Variants in LRRC4C observed in about 807,000 individuals in gnomAD.
LRRC4C encodes leucine-rich repeat-containing protein 4C.
Under a neutral mutation model 33.6 loss-of-function variants are expected in LRRC4C, and 5 were observed. The observed-to-expected ratio is 0.15, with a 90% CI of 0.08 to 0.31. The LOEUF (loss-of-function observed/expected upper bound fraction) is 0.31, where lower values mean the gene tolerates loss of function less well. LRRC4C is among the 10% of genes least tolerant of loss of function. The pLI is 1.00. For missense variants in LRRC4C, 560 were observed against 796.7 expected (o/e 0.70, Z 3.58); for synonymous variants, 329 against 302.0 (o/e 1.09, Z -0.93).
chr11:41,233,162 T>C (rs1446037434), intron 1 of LRRC4C, among the ~76,000 whole-genome samples: 2 of 152,044 alleles, frequency 1.3e-5, no homozygotes, highest in Non-Finnish European at 2.9e-5. Context: ...TCTTCCAAGG[T>C]ATTTTTACCA....
At chr11:40,360,836 T>C (rs1947914526) in intron 3 of LRRC4C, among the ~76,000 whole-genome samples, 1 of 152,168 alleles carries the variant, frequency 6.6e-6, no homozygotes, top group African/African-American at 2.4e-5. Context: ...TGAATATCAA[T>C]GTAAAAATTC....
chr11:40,697,137 T>C (rs1346243181), intron 2 of LRRC4C, among the ~76,000 whole-genome samples: 3 of 152,090 alleles, frequency 2.0e-5, no homozygotes, highest in Admixed American at 2.0e-4. Context: ...ATGAAGAAAA[T>C]AGTACTTGTT....
At chr11:41,045,726 T>C (rs1372676401) in intron 1 of LRRC4C, among the ~76,000 whole-genome samples, 4 of 152,146 alleles carry the variant, frequency 2.6e-5, no homozygotes, top group Non-Finnish European at 4.4e-5. Context: ...GCTATTATTA[T>C]TGTAGGGTAC....
intron 1 of LRRC4C, among the ~76,000 whole-genome samples, chr11:41,427,554 T>G (rs1955083271): frequency 1.3e-5 from 2 of 152,134 alleles, no homozygotes; most frequent in Admixed American, 1.3e-4. Context: ...AGCCAAGAGC[T>G]GAGTGACAGG....
intron 6 of LRRC4C, among the ~76,000 whole-genome samples, chr11:40,133,213 C>T (rs567105997): frequency 6.6e-6 from 1 of 152,190 alleles, no homozygotes; most frequent in South Asian, 2.1e-4. Context: ...GTCACCAATG[C>T]CTTTATAGGT....
intron 2 of LRRC4C, among the ~76,000 whole-genome samples, chr11:40,832,208 A>G (rs909180273): frequency 6.6e-6 from 1 of 152,072 alleles, no homozygotes; most frequent in Admixed American, 6.6e-5. Context: ...AGTATTGTTC[A>G]TCTAAACATA....
chr11:41,357,915 T>C (rs1952219306), intron 1 of LRRC4C, among the ~76,000 whole-genome samples: 1 of 152,048 alleles, frequency 6.6e-6, no homozygotes, highest in South Asian at 2.1e-4. Context: ...ATTCTAAAGT[T>C]AATATAGAGG....
In LRRC4C at chr11:40,915,278, C is replaced by G. The variant is rs531156619; in HGVS notation, c.-407+18357G>C. On this transcript the variant is annotated intron_variant, in intron 2 of 6. Coordinates refer to ENST00000528697, the MANE Select transcript of LRRC4C (RefSeq NM_001258419.2). ...AAAGAACAAAGCTGGAGGCATCACT[C>G]TACCTGACTTCAAACTATACTACAA... Among the ~76,000 whole-genome samples the G allele has an allele frequency of 1.7e-3, 262 of 152,276 alleles. 2 individuals are homozygous for G. Among genetic ancestry groups the G allele is most frequent in the African/African-American group, 6.1e-3 (254 of 41,554 alleles).
chr11:40,670,748 T>TTTTG (rs1472284907), intron 2 of LRRC4C, among the ~76,000 whole-genome samples: 3 of 151,922 alleles, frequency 2.0e-5, no homozygotes, highest in Non-Finnish European at 4.4e-5. Context: ...AAGAAGAACT[T>TTTTG]TTTGTTTGTT....
Position 40,674,832 on chromosome 11 carries a change from AACTCTAAATGATGGGTG to A in LRRC4C, c.-406-26571_-406-26555del, listed in dbSNP as rs567895754. Among the ~76,000 whole-genome samples, 668 of 152,248 alleles carry A rather than the reference AACTCTAAATGATGGGTG, an allele frequency of 4.4e-3. 4 individuals carry two copies. The highest frequency in any genetic ancestry group is 0.015 in the African/African-American group (626 of 41,562). On this transcript the variant is annotated intron_variant, in intron 2 of 6. Coordinates refer to ENST00000528697, the MANE Select transcript of LRRC4C (RefSeq NM_001258419.2). ...CCATCACCCTTTTAATTTCTATCAA[AACTCTAAATGATGGGTG>A]TTATTAACTCCATTTCATAGATGAA...
intron 1 of LRRC4C, among the ~76,000 whole-genome samples, chr11:41,009,754 C>T (rs1293986332): frequency 6.6e-6 from 1 of 152,002 alleles, no homozygotes; most frequent in Non-Finnish European, 1.5e-5. Flanking sequence ...GACTACTACC[C>T]TTTTGGAGAG....
intron 5 of LRRC4C, among the ~76,000 whole-genome samples, chr11:40,238,432 T>C (rs1865711970): frequency 6.6e-6 from 1 of 152,148 alleles, no homozygotes. Flanking sequence ...TTGACTTTGG[T>C]AATACCAGAT....
intron 3 of LRRC4C, among the ~76,000 whole-genome samples, chr11:40,502,900 G>A (rs550453911): frequency 6.6e-6 from 1 of 152,296 alleles, no homozygotes; most frequent in East Asian, 1.9e-4. Context: ...AGGCAAAAGT[G>A]TCACTTGAAG....
At chr11:41,248,958 G>A (rs983700085) in intron 1 of LRRC4C, among the ~76,000 whole-genome samples, 1 of 151,146 alleles carries the variant, frequency 6.6e-6, no homozygotes, top group Non-Finnish European at 1.5e-5. Context: ...AATACTATTG[G>A]TTTTAGATTC....
At chr11:40,326,393 C>T (rs1020853806) in intron 3 of LRRC4C, among the ~76,000 whole-genome samples, 10 of 151,976 alleles carry the variant, frequency 6.6e-5, no homozygotes, top group Non-Finnish European at 8.8e-5. Flanking sequence ...GAAACCCAGT[C>T]TCTACTAAAA....
intron 1 of LRRC4C, among the ~76,000 whole-genome samples, chr11:41,437,658 A>G (rs1483395929): frequency 6.6e-6 from 1 of 152,186 alleles, no homozygotes; most frequent in Non-Finnish European, 1.5e-5. Context: ...CACTCATTAC[A>G]TCTTTGTTCC....
intron 3 of LRRC4C, among the ~76,000 whole-genome samples, chr11:40,509,603 G>A (rs537789524): frequency 3.3e-5 from 5 of 152,008 alleles, no homozygotes; most frequent in African/African-American, 1.2e-4. Context: ...GCCTTCTTTA[G>A]TGCATTTCAT....
intron 1 of LRRC4C, among the ~76,000 whole-genome samples, chr11:41,187,266 T>A (rs1209271373): frequency 6.6e-6 from 1 of 152,194 alleles, no homozygotes; most frequent in Non-Finnish European, 1.5e-5. Flanking sequence ...ACCCCCATTA[T>A]GTGTCTGTAC....
At chr11:40,306,853 G>A (rs1481096974) in intron 4 of LRRC4C, among the ~76,000 whole-genome samples, 2 of 151,884 alleles carry the variant, frequency 1.3e-5, no homozygotes, top group East Asian at 1.9e-4. Context: ...ATGATCTTGG[G>A]TAAGATGTGC....
Sources: allele counts gnomAD v4.1 joint callset (sites outside exome capture counted in the v4.1 genomes callset), GRCh38; gene constraint gnomAD v4.1.1; transcripts MANE v1.5; gene names NCBI Gene and HGNC (gene_info 2026-07-23, HGNC 2026-07-21).